The following PCDH18 variants were observed in gnomAD, a reference collection of about 807,000 sequenced individuals.
PCDH18 encodes the protein protocadherin 18, also known as protocadherin-18.
Under a neutral mutation model 71.5 loss-of-function variants are expected in PCDH18, and 38 were observed. The ratio of observed to expected loss-of-function variants is 0.53; its 90% CI spans 0.41 to 0.70. PCDH18 has a LOEUF of 0.70. Ranked by LOEUF, PCDH18 falls within the 30% of genes least tolerant of loss-of-function variation. The probability of loss-of-function intolerance (pLI) is 0.00; values close to 1 mark genes in which losing one functional copy is unlikely to be tolerated. For synonymous variants in PCDH18, 565 were observed against 505.4 expected (o/e 1.12, Z -1.58); for missense variants, 1,334 against 1,384.6 (o/e 0.96, Z 0.58).
chr4:137,524,543 A>G (rs955516281), intron 3 of PCDH18, among the ~76,000 whole-genome samples: 1 of 152,200 alleles, frequency 6.6e-6, no homozygotes, highest in Admixed American at 6.5e-5. Flanking sequence ...GAGCCACCTA[A>G]AACAAACTTT....
intron 3 of PCDH18, among the ~76,000 whole-genome samples, chr4:137,524,396 T>A (rs1353259879): frequency 1.3e-5 from 2 of 151,994 alleles, no homozygotes; most frequent in Non-Finnish European, 2.9e-5. Flanking sequence ...CCCTCAAAAG[T>A]TGTAAAAAGA....
chr4:137,520,747 C>G lies in PCDH18; in HGVS notation c.*282G>C, dbSNP rs982944190. On this transcript the variant is annotated 3_prime_UTR_variant, in exon 4 of 4. Coordinates refer to ENST00000344876, the MANE Select transcript of PCDH18 (RefSeq NM_019035.5). The stretch of plus-strand genomic sequence containing the variant: ...AGATTTGAACAGTGGCTAGTTTCTA[C>G]ACGACTAGGAAAAACATGTCTGTCA... 3.1e-5 allele frequency: 9 copies of G among 289,708 alleles called. No individual in the cohort carries two copies. The highest frequency in any genetic ancestry group is 5.1e-5 in the Non-Finnish European group (8 of 155,446). 17.9% of individuals were successfully genotyped at this position (289,708 alleles called of 1,614,324 possible).
rs766704000 is a variant in PCDH18, at chr4:137,531,471, C to T, written c.618G>A (p.Arg206=). 6.2e-7 allele frequency: 1 copy of T among 1,613,932 alleles called. No homozygotes were observed. The highest frequency in any genetic ancestry group is 8.5e-7 in the Non-Finnish European group (1 of 1,179,972). Residue 206 remains arginine, a synonymous_variant, in exon 1 of 4, where the codon CGG becomes CGA. Transcript: ENST00000344876. The part of the protein sequence containing the change: ...AELIVVRELD[R]ELKSSYELQL... ...GAAGCTCGTAGCTTGACTTCAGCTC[C>T]CGATCTAACTCTCTGACCACTATGA...
Position 137,520,915 on chromosome 4 carries a change from A to G in PCDH18, c.*114T>C. ...TATTTAATATTCAATATACACAGAC[A>G]CATTTATGATAAATGCAACTATTTG... On this transcript the variant is annotated 3_prime_UTR_variant, in exon 4 of 4. Transcript: ENST00000344876. The G allele has an allele frequency of 3.0e-6, 2 of 669,314 alleles. No homozygotes were observed. The highest frequency in any genetic ancestry group is 2.7e-5 in the East Asian group (1 of 37,534). The allele number at this position is 669,314 out of a possible 1,614,324, so 41.5% of individuals were successfully genotyped here.
chr4:137,521,815 C>T, intron 3 of PCDH18, 119 bp from the exon 4 acceptor site: 1 of 721,766 alleles, frequency 1.4e-6, no homozygotes, highest in South Asian at 1.9e-5. Context: ...TTCCATGATG[C>T]CAACCTATTA....
chr4:137,529,819 C>T lies in PCDH18; in HGVS notation c.2270G>A (p.Gly757Glu). 1 of 1,611,282 alleles carries T rather than the reference C, an allele frequency of 6.2e-7. No homozygotes were observed. Among genetic ancestry groups the T allele is most frequent in the Non-Finnish European group, 8.5e-7 (1 of 1,178,114 alleles). ...PKRPSRQIHK[G>E]DITLVPTING... ...TATGGTAGGCACCAATGTGATGTCC[C>T]CTTTGTGAATCTGCCGGGATGGCCT... The change falls in exon 1 of 4, where the codon GGG becomes GAG. Residue 757 changes from glycine (G) to glutamate (E), a missense_variant. Transcript: ENST00000344876.
In PCDH18 at chr4:137,531,860, G is replaced by A; in HGVS notation, c.229C>T (p.Leu77Phe). The A allele has an allele frequency of 1.2e-6, 2 of 1,613,922 alleles. No homozygotes were observed. The stretch of plus-strand genomic sequence containing the variant: ...TCCCCATTATCCTCGTTTACTACAA[G>A]TAGAGGAGAATTTCCCCTCTGCATG... ...RAMQRGNSPL[L>F]VVNEDNGEIS... Residue 77 changes from leucine (L) to phenylalanine (F), a missense_variant, in exon 1 of 4, where the codon CTT becomes TTT. Physicochemically the swap from Leu to Phe is conservative, Grantham distance 22. This residue lies in a region of PCDH18 where 1,011 missense variants were observed against 1,048.0 expected (regional missense o/e 0.96). Coordinates refer to ENST00000344876, the MANE Select transcript of PCDH18 (RefSeq NM_019035.5).
rs763830036 is a variant in PCDH18 at position 137,530,768 on chromosome 4, C to T, written c.1321G>A (p.Gly441Arg). The T allele has an allele frequency of 6.2e-7, 1 of 1,612,554 alleles. No individual in the cohort carries two copies. The highest frequency in any genetic ancestry group is 1.3e-5 in the African/African-American group (1 of 74,858). ...YSLTVIAEDR[G>R]TPSLSTVKHF... Reference sequence around the variant, plus strand: ...TTCACTGTAGAGAGACTGGGTGTCCCCCTGTCCTCAGCGATTACAGTCAAA... The same window carrying T: ...TTCACTGTAGAGAGACTGGGTGTCCTCCTGTCCTCAGCGATTACAGTCAAA... Residue 441 changes from glycine to arginine, a missense_variant, in exon 1 of 4, where the codon GGG becomes AGG. By Grantham distance (125) the Gly-to-Arg change is moderately radical (BLOSUM62 -2). Around this residue, in one of 3 missense-constraint regions of PCDH18, gnomAD observed 1,011 missense variants for 1,048.0 expected, o/e 0.96. Transcript: ENST00000344876.
rs749966833 is a variant in PCDH18 at position 137,528,509 on chromosome 4, G to T, written c.2709C>A (p.Asp903Glu). ...GAATTCTTCCATCTGTGAGAAACAG[G>T]TCGCTGAATCCTTCACCCAACAGCC... ...IDRLLGEGFS[D>E]LFLTDGRIPA... is the part of the protein sequence containing the mutation. The change falls in exon 3 of 4, where the codon GAC becomes GAA. Residue 903 changes from aspartate to glutamate, a missense_variant. By Grantham distance (45) the Asp-to-Glu change is conservative. Coordinates refer to ENST00000344876, the MANE Select transcript of PCDH18 (RefSeq NM_019035.5). The T allele has an allele frequency of 5.0e-5, 80 of 1,613,740 alleles. No homozygotes were observed. Among genetic ancestry groups the T allele is most frequent in the Non-Finnish European group, 6.2e-5 (73 of 1,179,854 alleles).
At position 137,519,381 on chromosome 4, in the gene PCDH18, A is replaced by C. The variant is rs1311934492; in HGVS notation, c.*1648T>G. 6.6e-6 allele frequency: 1 copy of C among 152,168 alleles called. No homozygotes were observed. Among genetic ancestry groups the C allele is most frequent in the African/African-American group, 2.4e-5 (1 of 41,436 alleles). 9.4% of individuals were successfully genotyped at this position (152,168 alleles called of 1,614,324 possible). On this transcript the variant is annotated 3_prime_UTR_variant, in exon 4 of 4. Transcript: ENST00000344876. ...TTTTTATCCTGCACAATTTAATACA[A>C]AATGTCCTAAGAAAGTATTTTTTTT...
At position 137,530,334 on chromosome 4, in the gene PCDH18, C is replaced by A; in HGVS notation, c.1755G>T (p.Thr585=). The A allele has an allele frequency of 1.2e-6, 2 of 1,613,152 alleles. No homozygotes were observed. Among genetic ancestry groups the A allele is most frequent in the South Asian group, 1.1e-5 (1 of 91,010 alleles). The change falls in exon 1 of 4, where the codon ACG becomes ACT. Residue 585 remains threonine, a synonymous_variant. Transcript: ENST00000344876. ...CCCCTTTGGGAATGGTGATTTCTGC[C>A]GTATTATTACGCAATGCAGGCCCTA... ...VVIGPALRNN[T]AEITIPKGAE... is the part of the protein sequence containing the mutation.
intron 1 of PCDH18, 28 bp from the exon 2 acceptor site, chr4:137,528,848 C>T: frequency 6.7e-7 from 1 of 1,496,398 alleles, no homozygotes; most frequent in South Asian, 1.1e-5. Context: ...AGAACTGATT[C>T]CCGGAAACAA....
chr4:137,526,349 C>G (rs1731459503), intron 3 of PCDH18, among the ~76,000 whole-genome samples: 1 of 151,898 alleles, frequency 6.6e-6, no homozygotes, highest in Non-Finnish European at 1.5e-5. Flanking sequence ...TGATGTCATG[C>G]CCACTATGTT....
chr4:137,532,181 C>T lies in PCDH18; in HGVS notation c.-93G>A. On this transcript the variant is annotated 5_prime_UTR_variant, in exon 1 of 4. Transcript: ENST00000344876. The stretch of plus-strand genomic sequence containing the variant: ...TGGCAACGTAAAGCTACATTTGGTA[C>T]TTGAAACTTGAAAGCGTCTCTTAAT... 1.0e-6 allele frequency: 1 copy of T among 985,794 alleles called. No individual in the cohort carries two copies. The highest frequency in any genetic ancestry group is 1.6e-6 in the Non-Finnish European group (1 of 612,222). 61.1% of individuals were successfully genotyped at this position (985,794 alleles called of 1,614,324 possible). A position where few individuals can be genotyped will look rare whatever the true frequency, so the allele number is the denominator to read the frequency against.
In PCDH18 at chr4:137,530,706, AT is replaced by A; in HGVS notation, c.1382del (p.Asn461IlefsTer13). 6.2e-7 allele frequency: 1 copy of A among 1,613,064 alleles called. No individual in the cohort carries two copies. Among genetic ancestry groups the A allele is most frequent in the Non-Finnish European group, 8.5e-7 (1 of 1,179,492 alleles). On this transcript the variant is annotated frameshift_variant, in exon 1 of 4. Transcript: ENST00000344876. LOFTEE classifies it high-confidence loss of function. Reference protein sequence around the residue: ...FTVQINDINDNPPHFQRSRYE... With the variant: ...FTVQINDINDXPPHFQRSRYE... ...ATCGGCTTCTCTGGAAGTGGGGTGG[AT>A]TGTCATTGATATCATTGATTTGAAC...
rs1731602826 is a variant in PCDH18, at chr4:137,529,848, T to C, written c.2241A>G (p.Pro747=). ...RVAESTYQHH[P]KRPSRQIHKG... is the part of the protein sequence containing the mutation. ...TGTGAATCTGCCGGGATGGCCTTTTTGGGTGGTGCTGGTAAGTTGATTCGG... is the reference window on the plus strand; with the variant it reads ...TGTGAATCTGCCGGGATGGCCTTTTCGGGTGGTGCTGGTAAGTTGATTCGG... The change falls in exon 1 of 4, where the codon CCA becomes CCG. Residue 747 remains proline (P), a synonymous_variant. Transcript: ENST00000344876. 1.2e-6 allele frequency: 2 copies of C among 1,612,264 alleles called. No individual in the cohort carries two copies. Among genetic ancestry groups the C allele is most frequent in the African/African-American group, 2.7e-5 (2 of 75,018 alleles).
At position 137,519,709 on chromosome 4, in the gene PCDH18, TTA is replaced by T. The variant is rs1382511008; in HGVS notation, c.*1318_*1319del. ...TTATAGACAGTTCCTTAGCTTTACT[TTA>T]ATTTTTCTTTTATTTTCACTGACAG... On this transcript the variant is annotated 3_prime_UTR_variant, in exon 4 of 4. Transcript: ENST00000344876. 6.6e-6 allele frequency: 1 copy of T among 152,226 alleles called. No individual in the cohort carries two copies. The highest frequency in any genetic ancestry group is 1.5e-5 in the Non-Finnish European group (1 of 68,044). The allele number at this position is 152,226 out of a possible 1,614,324, so 9.4% of individuals were successfully genotyped here.
In PCDH18 at chr4:137,530,996, C is replaced by A; in HGVS notation, c.1093G>T (p.Glu365Ter). The A allele has an allele frequency of 6.2e-7, 1 of 1,612,286 alleles. No individual in the cohort carries two copies. Among genetic ancestry groups the A allele is most frequent in the East Asian group, 2.2e-5 (1 of 44,824 alleles). ...NINLMSPGKE[E>*]ISYIFEGDPI... Reference sequence around the variant, plus strand: ...TCCCCTTCAAAAATATAAGATATTTCTTCTTTTCCAGGGGACATGAGGTTG... The same window carrying A: ...TCCCCTTCAAAAATATAAGATATTTATTCTTTTCCAGGGGACATGAGGTTG... The change falls in exon 1 of 4, where the codon GAA (glutamate) becomes TAA (stop). Residue 365 changes from glutamate (E) to a stop codon, truncating the protein, a stop_gained. Coordinates refer to ENST00000344876, the MANE Select transcript of PCDH18 (RefSeq NM_019035.5). LOFTEE classifies it high-confidence loss of function.
In PCDH18 at chr4:137,531,624, G is replaced by A. The variant is rs748135538; in HGVS notation, c.465C>T (p.Arg155=). 5.6e-6 allele frequency: 9 copies of A among 1,613,688 alleles called. No homozygotes were observed. The highest frequency in any genetic ancestry group is 7.6e-6 in the Non-Finnish European group (9 of 1,179,730). Residue 155 remains arginine (R), a synonymous_variant, in exon 1 of 4, where the codon CGC becomes CGT. Coordinates refer to ENST00000344876, the MANE Select transcript of PCDH18 (RefSeq NM_019035.5). ...EISESAAVGT[R]IPLDSAFDPD... ...GATCAAATGCACTGTCCAGGGGAAT[G>A]CGAGTCCCAACTGCTGCACTCTCAG...
Sources: gnomAD v4.1 joint callset for allele counts (sites outside exome capture counted in the v4.1 genomes callset) on GRCh38, gnomAD v4.1.1 for gene constraint, gnomAD v4.1.1 regional missense constraint, MANE v1.5 for transcripts, NCBI Gene and HGNC (gene_info 2026-07-23, HGNC 2026-07-21) for gene names.